Variants in EPC2 observed in about 807,000 individuals in gnomAD.
EPC2 encodes the protein enhancer of polycomb homolog 2.
Under a neutral mutation model 92.1 loss-of-function variants are expected in EPC2, and 14 were observed. The observed-to-expected ratio is 0.15, with a 90% CI of 0.10 to 0.24. The LOEUF (loss-of-function observed/expected upper bound fraction) is 0.24. Among genes scored for constraint, EPC2 ranks in the 10% least tolerant of loss-of-function variants. The pLI is 1.00. For missense variants in EPC2, 755 were observed against 971.5 expected, an observed-to-expected ratio of 0.78 and a Z score of 2.96; for synonymous variants, 340 against 334.7, an observed-to-expected ratio of 1.02 and a Z score of -0.17.
chr2:148,712,606 C>T (rs1008532821), intron 2 of EPC2, among the ~76,000 whole-genome samples: 3 of 152,112 alleles, frequency 2.0e-5, no homozygotes, highest in Non-Finnish European at 4.4e-5. Flanking sequence ...ATAGCACATA[C>T]AGGCCAGGTG....
chr2:148,656,699 T>C (rs762791556), intron 1 of EPC2, among the ~76,000 whole-genome samples: 1 of 152,232 alleles, frequency 6.6e-6, no homozygotes, highest in Non-Finnish European at 1.5e-5. Flanking sequence ...CAGTAAATAT[T>C]TGTGACTGAA....
intron 7 of EPC2, among the ~76,000 whole-genome samples, chr2:148,766,920 A>C (rs1683421246): frequency 6.6e-6 from 1 of 152,332 alleles, no homozygotes; most frequent in East Asian, 1.9e-4. Context: ...ATTGTGGCTC[A>C]TGCCTGTAAT....
intron 1 of EPC2, among the ~76,000 whole-genome samples, chr2:148,689,153 T>C (rs1681590592): frequency 6.6e-6 from 1 of 151,800 alleles, no homozygotes; most frequent in Non-Finnish European, 1.5e-5. Flanking sequence ...ATAAGAGAGA[T>C]GCAGAGTCTT....
chr2:148,785,265 A>G (rs1683843374), intron 13 of EPC2, among the ~76,000 whole-genome samples: 1 of 152,124 alleles, frequency 6.6e-6, no homozygotes, highest in South Asian at 2.1e-4. Flanking sequence ...AAAGAAAGAA[A>G]AGGACATCCA....
chr2:148,768,322 A>G (rs573940841), intron 7 of EPC2, among the ~76,000 whole-genome samples: 4 of 152,340 alleles, frequency 2.6e-5, no homozygotes, highest in South Asian at 2.1e-4. Flanking sequence ...TTATTTCCCT[A>G]TCTTCAGTGT....
chr2:148,706,704 A>G (rs1682007298), intron 2 of EPC2, among the ~76,000 whole-genome samples: 1 of 152,220 alleles, frequency 6.6e-6, no homozygotes, highest in Non-Finnish European at 1.5e-5. Context: ...AACATTCTTA[A>G]AGAACAGAAT....
chr2:148,737,239 A>G (rs1052782966), intron 2 of EPC2, among the ~76,000 whole-genome samples: 4 of 152,194 alleles, frequency 2.6e-5, no homozygotes, highest in South Asian at 2.1e-4. Context: ...CCAAGTGACA[A>G]TTGGCTTTAC....
At chr2:148,645,864 A>G (rs1302891726) in intron 1 of EPC2, among the ~76,000 whole-genome samples, 1 of 152,204 alleles carries the variant, frequency 6.6e-6, no homozygotes, top group African/African-American at 2.4e-5. Flanking sequence ...GCAACGTTAG[A>G]GAGGAGCCGG....
Position 148,743,677 on chromosome 2 carries a change from T to C in EPC2, c.369T>C (p.Thr123=), listed in dbSNP as rs1682926660. The change falls in exon 3 of 14, where the codon ACT becomes ACC. Residue 123 remains threonine (T), a synonymous_variant. Transcript: ENST00000258484. The part of the protein sequence containing the change: ...PDYDMDSEDE[T]LLNRLNRKME... ...ATGATATGGATTCAGAAGATGAGACTTTATTAAATAGACTTAACAGAAAGA... is the reference window on the plus strand; with the variant it reads ...ATGATATGGATTCAGAAGATGAGACCTTATTAAATAGACTTAACAGAAAGA... 6.2e-7 allele frequency: 1 copy of C among 1,603,082 alleles called. No homozygotes were observed. The highest frequency in any genetic ancestry group is 1.3e-5 in the African/African-American group (1 of 74,350).
rs1283917524 is a variant in EPC2 at position 148,678,356 on chromosome 2, AG to A, written c.154-11855del. Among the ~76,000 whole-genome samples the A allele has an allele frequency of 6.6e-5, 10 of 152,360 alleles. No individual in the cohort carries two copies. In the East Asian group the frequency reaches 1.9e-3, roughly 29 times the overall value. ...GGCTTCACCCAGTGGATCCCGCACC[AG>A]GGCTGCAGATGGAGCTGCCGGCTAG... On this transcript the variant is annotated intron_variant, in intron 1 of 13. Coordinates refer to ENST00000258484, the MANE Select transcript of EPC2 (RefSeq NM_015630.4).
intron 10 of EPC2, among the ~76,000 whole-genome samples, chr2:148,780,263 C>G (rs923020625): frequency 5.9e-5 from 9 of 152,056 alleles, no homozygotes; most frequent in African/African-American, 1.7e-4. Context: ...CTGTTTTCCC[C>G]TTATAGTCCA....
intron 10 of EPC2, among the ~76,000 whole-genome samples, chr2:148,778,415 G>A (rs975431280): frequency 6.6e-6 from 1 of 152,084 alleles, no homozygotes; most frequent in African/African-American, 2.4e-5. Context: ...ACTTTGATGT[G>A]TGCCTCTTGT....
rs537094550 is a variant in EPC2, at chr2:148,735,853, CT to C, written c.314-7761del. On this transcript the variant is annotated intron_variant, in intron 2 of 13. Coordinates refer to ENST00000258484, the MANE Select transcript of EPC2 (RefSeq NM_015630.4). ...CTTATAAGTGATCTCATTTATCTTACTTTTTTTTAACAGCTGATACTTTTGA... is the reference window on the plus strand; with the variant it reads ...CTTATAAGTGATCTCATTTATCTTACTTTTTTTAACAGCTGATACTTTTGA... Among the ~76,000 whole-genome samples, 988 of 151,716 alleles carry C rather than the reference CT, an allele frequency of 6.5e-3. 6 individuals carry two copies. Among genetic ancestry groups the C allele is most frequent in the Non-Finnish European group, 8.8e-3 (596 of 67,836 alleles).
chr2:148,784,803 AGACACTTCCCAT>A lies in EPC2; in HGVS notation c.2156_2167del (p.Thr719_Met722del), dbSNP rs1683830977. 2.5e-6 allele frequency: 4 copies of A among 1,614,016 alleles called. No individual in the cohort carries two copies. The East Asian group carries it at 8.9e-5, about 36-fold the overall frequency. On this transcript the variant is annotated inframe_deletion, in exon 13 of 14. Transcript: ENST00000258484. Reference sequence around the variant, plus strand: ...CCAGCATTGTGCACAAGCAGTCCTCAGACACTTCCCATGAACAATTCCTGCCTGACAAATGCA... The same window carrying A: ...CCAGCATTGTGCACAAGCAGTCCTCAGAACAATTCCTGCCTGACAAATGCA...
intron 2 of EPC2, among the ~76,000 whole-genome samples, chr2:148,735,716 C>T (rs1456644615): frequency 1.3e-5 from 2 of 151,800 alleles, no homozygotes; most frequent in East Asian, 3.9e-4. Context: ...TATAGTAATA[C>T]TATTAATATG....
At chr2:148,727,743 A>G (rs1682526142) in intron 2 of EPC2, among the ~76,000 whole-genome samples, 1 of 152,248 alleles carries the variant, frequency 6.6e-6, no homozygotes, top group South Asian at 2.1e-4. Flanking sequence ...CTCAGATGAT[A>G]ACAGAGGGAT....
In EPC2 at chr2:148,675,351, T is replaced by G. The variant is rs556407713; in HGVS notation, c.154-14863T>G. Among the ~76,000 whole-genome samples, 3 of 152,286 alleles carry G rather than the reference T, an allele frequency of 2.0e-5. No homozygotes were observed. In the South Asian group the frequency reaches 6.2e-4, roughly 32 times the overall value. On this transcript the variant is annotated intron_variant, in intron 1 of 13. Transcript: ENST00000258484. ...CCCTAAATGCTACTTTTGAGTATAT[T>G]AGGTTTGGAGCATTTTTCTTGAACA...
intron 1 of EPC2, among the ~76,000 whole-genome samples, chr2:148,658,607 GTATA>G (rs3076616): frequency 0.54 from 77,013 of 141,330 alleles, 22,854 homozygotes; most frequent in Non-Finnish European, 0.68. Flanking sequence ...GTGTGTGTGT[GTATA>G]TATATATATA....
chr2:148,732,915 A>G (rs1427991199), intron 2 of EPC2, among the ~76,000 whole-genome samples: 2 of 147,798 alleles, frequency 1.4e-5, no homozygotes, highest in South Asian at 2.2e-4. Flanking sequence ...TCAAATTATA[A>G]TGGTCAATTC....
Sources: gnomAD v4.1 joint callset for allele counts (sites outside exome capture counted in the v4.1 genomes callset) on GRCh38, gnomAD v4.1.1 for gene constraint, MANE v1.5 for transcripts, NCBI Gene and HGNC (gene_info 2026-07-23, HGNC 2026-07-21) for gene names.